SUGP2: variants seen among roughly 807,000 people sequenced by gnomAD.
The protein encoded by SUGP2 is SURP and G-patch domain containing 2.
In SUGP2, 24 loss-of-function variants were observed where a neutral mutation model predicts 90.5. That is an observed-to-expected ratio of 0.27 (90% CI 0.19 to 0.37). SUGP2 has a LOEUF of 0.37. SUGP2 is among the 10% of genes least tolerant of loss of function. SUGP2 has a pLI of 1.00. For synonymous variants in SUGP2, 473 were observed against 513.4 expected, an observed-to-expected ratio of 0.92 and a Z score of 1.06; for missense variants, 1,233 against 1,363.3, an observed-to-expected ratio of 0.90 and a Z score of 1.51.
At position 18,995,195 on chromosome 19, in the gene SUGP2, T is replaced by C. The variant is rs2057526966; in HGVS notation, c.3077A>G (p.Glu1026Gly). 1 of 1,575,780 alleles carries C rather than the reference T, an allele frequency of 6.3e-7. No homozygotes were observed. Among genetic ancestry groups the C allele is most frequent in the Non-Finnish European group, 8.6e-7 (1 of 1,156,140 alleles). Residue 1026 changes from glutamate (E) to glycine (G), a missense_variant, in exon 9 of 11, where the codon GAG (glutamate) becomes GGG (glycine). Transcript: ENST00000452918. ...TCCGAGGGAGCCCAGGCCATGGCCCTCCTTCCAGCCCATCTTCTGCAGCAT... is the reference window on the plus strand; with the variant it reads ...TCCGAGGGAGCCCAGGCCATGGCCCCCCTTCCAGCCCATCTTCTGCAGCAT... Reference protein sequence around the residue: ...FQMLQKMGWKEGHGLGSLGKG... With the variant: ...FQMLQKMGWKGGHGLGSLGKG...
chr19:19,006,898 C>G (rs1418550624), intron 6 of SUGP2, among the ~76,000 whole-genome samples: 1 of 152,140 alleles, frequency 6.6e-6, no homozygotes, highest in African/African-American at 2.4e-5. Context: ...CAATCAGGTC[C>G]CAAGCAAGTT....
In SUGP2 at chr19:19,024,615, T is replaced by C. The variant is rs1275841553; in HGVS notation, c.1729+4A>G. ...CAAATAGAAACTTTGGCTGATTTCC[T>C]TACCATCACTCAGACTACTTGGAGC... On this transcript the variant is annotated splice_donor_region_variant and intron_variant, in intron 3 of 10. Coordinates refer to ENST00000452918, the MANE Select transcript of SUGP2 (RefSeq NM_001017392.5). The C allele has an allele frequency of 4.4e-6, 7 of 1,590,826 alleles. No individual in the cohort carries two copies. The highest frequency in any genetic ancestry group is 6.0e-6 in the Non-Finnish European group (7 of 1,169,026).
At chr19:19,014,770 C>T (rs1318804896) in intron 4 of SUGP2, among the ~76,000 whole-genome samples, 1 of 151,374 alleles carries the variant, frequency 6.6e-6, no homozygotes, top group African/African-American at 2.4e-5. Context: ...TGTGCTCTAG[C>T]CTGGGCAACA....
chr19:18,995,525 C>G (rs1319660695), intron 8 of SUGP2, among the ~76,000 whole-genome samples: 1 of 152,194 alleles, frequency 6.6e-6, no homozygotes, highest in Admixed American at 6.5e-5. Flanking sequence ...ACCCTGGTGC[C>G]AAGACTGTGA....
At chr19:19,033,561 C>T (rs1424684453), upstream of SUGP2, 1 of 1,252,822 alleles carries the variant, frequency 8.0e-7, no homozygotes, top group Non-Finnish European at 1.0e-6. Context: ...GCCGCGCAGG[C>T]GCAAGCCGCC....
At position 19,008,703 on chromosome 19, in the gene SUGP2, T is replaced by C. The variant is rs1033034405; in HGVS notation, c.2339-275A>G. Among the ~76,000 whole-genome samples the C allele has an allele frequency of 2.0e-5, 3 of 152,338 alleles. No homozygotes were observed. In the South Asian group the frequency reaches 6.2e-4, roughly 32 times the overall value. ...CCTGGGCCTTGGAGGACTTGAGTAC[T>C]TCCACTGTCTCTCCTGAAGCCCCAA... On this transcript the variant is annotated intron_variant, in intron 5 of 10. Coordinates refer to ENST00000452918, the MANE Select transcript of SUGP2 (RefSeq NM_001017392.5).
chr19:19,025,797 A>C lies in SUGP2; in HGVS notation c.551T>G (p.Leu184Trp). The C allele has an allele frequency of 6.2e-7, 1 of 1,613,942 alleles. No homozygotes were observed. The highest frequency in any genetic ancestry group is 2.2e-5 in the East Asian group (1 of 44,876). ...GTCATAATCCCGACTCTCCTTCTCCAAACACTCTTTCTCAATCAGCCTGGA... is the reference window on the plus strand; with the variant it reads ...GTCATAATCCCGACTCTCCTTCTCCCAACACTCTTTCTCAATCAGCCTGGA... ...GSSRLIEKEC[L>W]EKESRDYDVD... Residue 184 changes from leucine to tryptophan, a missense_variant, in exon 3 of 11, where the codon TTG becomes TGG. Coordinates refer to ENST00000452918, the MANE Select transcript of SUGP2 (RefSeq NM_001017392.5).
At chr19:19,019,336 C>G in intron 3 of SUGP2, 107 bp from the exon 4 acceptor site, 1 of 1,280,584 alleles carries the variant, frequency 7.8e-7, no homozygotes, top group Middle Eastern at 2.8e-4. Flanking sequence ...AAGCAGGCAT[C>G]AACAACCGAA....
intron 3 of SUGP2, among the ~76,000 whole-genome samples, chr19:19,024,029 G>A (rs1376098546): frequency 2.0e-5 from 3 of 152,154 alleles, no homozygotes; most frequent in Admixed American, 6.5e-5. Context: ...AAAATTGTGC[G>A]TGAATAGATG....
intron 4 of SUGP2, among the ~76,000 whole-genome samples, chr19:19,013,733 C>T (rs1458141350): frequency 2.6e-5 from 4 of 152,208 alleles, no homozygotes; most frequent in Non-Finnish European, 4.4e-5. Flanking sequence ...CACTTGTTTT[C>T]CTGAGTGTGT....
At position 18,994,413 on chromosome 19, in the gene SUGP2, G is replaced by T. The variant is rs768673986; in HGVS notation, c.3202C>A (p.Arg1068=). ...CTGTACATCTGCATCATCCTCTGTC[G>T]GAACACATCGAATGTGTCTTCTTTG... ...EHKEDTFDVF[R]QRMMQMYRHK... The change falls in exon 10 of 11, where the codon CGA becomes AGA. Residue 1068 remains arginine, a synonymous_variant. Coordinates refer to ENST00000452918, the MANE Select transcript of SUGP2 (RefSeq NM_001017392.5). 1.2e-6 allele frequency: 2 copies of T among 1,614,168 alleles called. No homozygotes were observed. The highest frequency in any genetic ancestry group is 1.3e-5 in the African/African-American group (1 of 75,042).
At chr19:19,000,806 A>C (rs1010485622) in intron 8 of SUGP2, among the ~76,000 whole-genome samples, 3 of 151,606 alleles carry the variant, frequency 2.0e-5, no homozygotes, top group Admixed American at 1.3e-4. Flanking sequence ...CTCAGGCCCA[A>C]ATGATCCTTC....
chr19:19,029,471 C>T (rs900978020), intron 2 of SUGP2, among the ~76,000 whole-genome samples: 2 of 149,066 alleles, frequency 1.3e-5, no homozygotes, highest in Non-Finnish European at 3.0e-5. Flanking sequence ...TGGAGTCTCG[C>T]TCTGTCGCCC....
At chr19:19,033,595 G>A (rs930800318), upstream of SUGP2, 241 of 1,186,768 alleles carry the variant, frequency 2.0e-4, no homozygotes, top group Non-Finnish European at 2.3e-4. Flanking sequence ...GCGCAGGCGC[G>A]GGCCGCCGCG....
rs1215304897 is a variant in SUGP2, at chr19:19,031,001, A to G, written c.71T>C (p.Met24Thr). 1 of 1,613,988 alleles carries G rather than the reference A, an allele frequency of 6.2e-7. No homozygotes were observed. The highest frequency in any genetic ancestry group is 1.3e-5 in the African/African-American group (1 of 75,022). The stretch of plus-strand genomic sequence containing the variant: ...GCTTACAGCCTCACCACTGGCATCC[A>G]TGTGATATCGTTTGGCTTTTTCTTG... ...VLQEKAKRYH[M>T]DASGEAVSET... The change falls in exon 2 of 11, where the codon ATG becomes ACG. Residue 24 changes from methionine (M) to threonine (T), a missense_variant. Around this residue, in one of 8 missense-constraint regions of SUGP2, gnomAD observed 418 missense variants for 399.9 expected, o/e 1.05. Transcript: ENST00000452918.
chr19:19,007,141 G>A (rs995863150), intron 6 of SUGP2, among the ~76,000 whole-genome samples: 1 of 152,156 alleles, frequency 6.6e-6, no homozygotes, highest in Non-Finnish European at 1.5e-5. Flanking sequence ...AAACCCCAGG[G>A]GCAGTGCTGG....
chr19:19,021,668 G>C (rs2058733265), intron 3 of SUGP2, among the ~76,000 whole-genome samples: 2 of 150,888 alleles, frequency 1.3e-5, no homozygotes, highest in South Asian at 4.2e-4. Context: ...TGTCATTCCA[G>C]CATTTTTTTT....
chr19:19,018,378 C>T lies in SUGP2; in HGVS notation c.1850+731G>A, dbSNP rs151162943. Among the ~76,000 whole-genome samples the T allele has an allele frequency of 2.5e-4, 37 of 150,320 alleles. No individual in the cohort carries two copies. The East Asian group carries it at 6.2e-3, about 25-fold the overall frequency. ...TAATAAGAAAGTACTATATTTAGGA[C>T]GCAAACTGTAATTTTAATAAGTTGT... is the stretch of plus-strand genomic sequence containing the variant. On this transcript the variant is annotated intron_variant, in intron 4 of 10. Coordinates refer to ENST00000452918, the MANE Select transcript of SUGP2 (RefSeq NM_001017392.5).
At chr19:18,997,332 G>A (rs188088939) in intron 8 of SUGP2, among the ~76,000 whole-genome samples, 1 of 151,448 alleles carries the variant, frequency 6.6e-6, no homozygotes, top group Admixed American at 6.6e-5. Context: ...AGGGCCTCAG[G>A]TCAGGAGGGA....
Sources: gnomAD v4.1 joint callset for allele counts (sites outside exome capture counted in the v4.1 genomes callset) on GRCh38, gnomAD v4.1.1 for gene constraint, gnomAD v4.1.1 regional missense constraint, MANE v1.5 for transcripts, NCBI Gene and HGNC (gene_info 2026-07-23, HGNC 2026-07-21) for gene names.